MACROD2: variants seen among roughly 807,000 people sequenced by gnomAD.
The protein encoded by MACROD2 is ADP-ribose glycohydrolase MACROD2.
In MACROD2, 36 loss-of-function variants were observed where a neutral mutation model predicts 70.4. That is an observed-to-expected ratio of 0.51 (90% CI 0.39 to 0.68). The LOEUF (loss-of-function observed/expected upper bound fraction) is 0.68. Among genes scored for constraint, MACROD2 ranks in the 30% least tolerant of loss-of-function variants. The probability of loss-of-function intolerance (pLI) is 0.00; values close to 1 mark genes in which losing one functional copy is unlikely to be tolerated. For synonymous variants in MACROD2, 172 were observed against 178.8 expected, an observed-to-expected ratio of 0.96 and a Z score of 0.30; for missense variants, 496 against 538.4, an observed-to-expected ratio of 0.92 and a Z score of 0.78.
Position 15,877,563 on chromosome 20 carries a change from G to A in MACROD2, c.728-8201G>A, listed in dbSNP as rs940087719. ...GTGAGTCCAGGTATTCAACTTAATG[G>A]CAGGAGTCCTACTCAGGGAGGACTC... On this transcript the variant is annotated intron_variant, in intron 9 of 17. Transcript: ENST00000684519. Among the ~76,000 whole-genome samples, 4 of 152,214 alleles carry A rather than the reference G, an allele frequency of 2.6e-5. No homozygotes were observed. The East Asian group carries it at 7.7e-4, about 29-fold the overall frequency.
intron 6 of MACROD2, among the ~76,000 whole-genome samples, chr20:15,290,935 C>T (rs920260307): frequency 2.0e-5 from 3 of 152,126 alleles, no homozygotes; most frequent in African/African-American, 7.2e-5. Context: ...GAGACAGACA[C>T]ATAAAATATA....
chr20:15,798,714 C>A (rs899514989), intron 8 of MACROD2, among the ~76,000 whole-genome samples: 3 of 152,166 alleles, frequency 2.0e-5, no homozygotes, highest in Admixed American at 6.5e-5. Flanking sequence ...TCTGTTGCCT[C>A]CCTCAGACAG....
At chr20:14,103,538 AT>A (rs1287040919) in intron 3 of MACROD2, among the ~76,000 whole-genome samples, 3 of 152,206 alleles carry the variant, frequency 2.0e-5, no homozygotes, top group Non-Finnish European at 4.4e-5. Context: ...ATACACATGA[AT>A]ACTTAAGATA....
intron 5 of MACROD2, among the ~76,000 whole-genome samples, chr20:14,803,401 A>G (rs1158303737): frequency 6.6e-6 from 1 of 152,110 alleles, no homozygotes; most frequent in Non-Finnish European, 1.5e-5. Context: ...GAATTTGTAT[A>G]TACTCAGGTT....
At chr20:15,298,560 C>A (rs1391610076) in intron 6 of MACROD2, among the ~76,000 whole-genome samples, 2 of 152,166 alleles carry the variant, frequency 1.3e-5, no homozygotes, top group Non-Finnish European at 2.9e-5. Context: ...TTCAAGAATT[C>A]CAGACATTGG....
chr20:14,880,122 G>A (rs2073594384), intron 5 of MACROD2, among the ~76,000 whole-genome samples: 1 of 152,084 alleles, frequency 6.6e-6, no homozygotes, highest in South Asian at 2.1e-4. Flanking sequence ...TCTGACTTGA[G>A]ACGCAGAATC....
intron 13 of MACROD2, among the ~76,000 whole-genome samples, chr20:15,981,940 A>G (rs755036315): frequency 2.0e-5 from 3 of 151,572 alleles, no homozygotes; most frequent in Non-Finnish European, 4.4e-5. Context: ...CAGTATTGAC[A>G]CATTTTACAT....
chr20:15,816,980 C>CA (rs199649863), intron 8 of MACROD2, among the ~76,000 whole-genome samples: 20 of 150,268 alleles, frequency 1.3e-4, no homozygotes, highest in South Asian at 4.2e-4. Flanking sequence ...TGTCCACGCA[C>CA]AAAAAAAAAC....
chr20:14,021,197 G>A (rs555033532), intron 2 of MACROD2, among the ~76,000 whole-genome samples: 36 of 152,174 alleles, frequency 2.4e-4, no homozygotes, highest in Middle Eastern at 3.4e-3. Flanking sequence ...CACCGTGTTA[G>A]CCAGGATGCT....
At chr20:15,445,560 G>A (rs1194252458) in intron 7 of MACROD2, among the ~76,000 whole-genome samples, 1 of 152,104 alleles carries the variant, frequency 6.6e-6, no homozygotes, top group Non-Finnish European at 1.5e-5. Flanking sequence ...TCATGTTTCT[G>A]TACATAGATT....
Position 14,977,478 on chromosome 20 carries a change from C to CAT in MACROD2, c.419-252461_419-252460insTA, listed in dbSNP as rs1230784538. Among the ~76,000 whole-genome samples, 544 of 151,516 alleles carry CAT rather than the reference C, an allele frequency of 3.6e-3. 6 individuals carry two copies. The highest frequency in any genetic ancestry group is 0.012 in the African/African-American group (515 of 41,258). ...AGAAAAAGATACACACACACACACA[C>CAT]ACACACACACACACACACACACAAT... is the stretch of plus-strand genomic sequence containing the variant. On this transcript the variant is annotated intron_variant, in intron 5 of 17. Transcript: ENST00000684519.
intron 3 of MACROD2, among the ~76,000 whole-genome samples, chr20:14,208,914 A>G (rs2081547772): frequency 1.3e-5 from 2 of 152,188 alleles, no homozygotes; most frequent in South Asian, 4.1e-4. Context: ...TTTATTGGAG[A>G]GAGTGGGGAG....
chr20:15,677,603 C>T (rs572135880), intron 8 of MACROD2, among the ~76,000 whole-genome samples: 62 of 152,074 alleles, frequency 4.1e-4, no homozygotes, highest in Middle Eastern at 3.4e-3. Flanking sequence ...GACCAGAATC[C>T]CAGCCCATAC....
chr20:15,054,307 TGAAA>T (rs2075465822), intron 5 of MACROD2, among the ~76,000 whole-genome samples: 1 of 152,192 alleles, frequency 6.6e-6, no homozygotes, highest in African/African-American at 2.4e-5. Flanking sequence ...GAATTTTTTG[TGAAA>T]GAGTCAGTTA....
At chr20:15,352,796 G>A (rs938140939) in intron 6 of MACROD2, among the ~76,000 whole-genome samples, 31 of 151,724 alleles carry the variant, frequency 2.0e-4, no homozygotes, top group African/African-American at 6.5e-4. Flanking sequence ...AACTTACAAG[G>A]GATGTGAAGG....
At chr20:14,672,190 T>G (rs76305016) in intron 4 of MACROD2, among the ~76,000 whole-genome samples, 3,877 of 152,294 alleles carry the variant, frequency 0.025, 121 homozygotes, top group African/African-American at 0.066. Flanking sequence ...TTCTGTTATC[T>G]GGCCTCACTC....
At chr20:15,866,173 T>C (rs2064490721) in intron 9 of MACROD2, among the ~76,000 whole-genome samples, 1 of 152,066 alleles carries the variant, frequency 6.6e-6, no homozygotes, top group African/African-American at 2.4e-5. Flanking sequence ...ATTGCTTGAA[T>C]CCAGGAGTTT....
At chr20:15,806,288 A>G (rs1052834410) in intron 8 of MACROD2, among the ~76,000 whole-genome samples, 2 of 152,148 alleles carry the variant, frequency 1.3e-5, no homozygotes, top group African/African-American at 4.8e-5. Flanking sequence ...GTCTCTCAAC[A>G]TTGCAGCTAG....
chr20:14,042,297 G>GCT (rs2053401718), intron 2 of MACROD2, among the ~76,000 whole-genome samples: 2 of 152,126 alleles, frequency 1.3e-5, no homozygotes, highest in Non-Finnish European at 2.9e-5. Flanking sequence ...ATGGATTTTA[G>GCT]GAGAGAGATC....
Sources: gnomAD v4.1 joint callset for allele counts (sites outside exome capture counted in the v4.1 genomes callset) on GRCh38, gnomAD v4.1.1 for gene constraint, MANE v1.5 for transcripts, NCBI Gene and HGNC (gene_info 2026-07-23, HGNC 2026-07-21) for gene names.